Variants in NEK11 observed in about 807,000 individuals in gnomAD.
NEK11 encodes serine/threonine-protein kinase Nek11.
NEK11 carries 72 observed loss-of-function variants against 80.7 expected under a neutral mutation model. The ratio of observed to expected loss-of-function variants is 0.89; its 90% confidence interval spans 0.74 to 1.08. The LOEUF is 1.08. Among genes scored for constraint, NEK11 ranks in the 50% least tolerant of loss-of-function variants. The pLI is 0.00. For missense variants in NEK11, 764 were observed against 763.6 expected (o/e 1.00, Z -0.01); for synonymous variants, 251 against 260.7 (o/e 0.96, Z 0.36).
At chr3:131,180,368 C>T (rs113259164) in intron 14 of NEK11, among the ~76,000 whole-genome samples, 1 of 152,148 alleles carries the variant, frequency 6.6e-6, no homozygotes, top group Admixed American at 6.5e-5. Context: ...ATAATTGAAT[C>T]ATGTGAAATT....
intron 13 of NEK11, among the ~76,000 whole-genome samples, chr3:131,169,761 ATCTT>A (rs1197799658): frequency 2.0e-5 from 3 of 152,192 alleles, no homozygotes; most frequent in Non-Finnish European, 4.4e-5. Flanking sequence ...TAACAATTCT[ATCTT>A]TCTCTTCAAA....
At chr3:131,160,138 A>C (rs1001774032) in intron 10 of NEK11, among the ~76,000 whole-genome samples, 3 of 152,204 alleles carry the variant, frequency 2.0e-5, no homozygotes, top group African/African-American at 7.2e-5. Context: ...GAGGTTTTCC[A>C]AGGTCAAAAT....
chr3:131,080,716 T>G, intron 4 of NEK11, 128 bp downstream of exon 4: 31 of 706,458 alleles, frequency 4.4e-5, no homozygotes, highest in Non-Finnish European at 6.0e-5. Flanking sequence ...TGGGATCCCA[T>G]GTCTTGCAGC....
chr3:131,300,844 T>C (rs1053328928), intron 17 of NEK11, among the ~76,000 whole-genome samples: 1 of 152,176 alleles, frequency 6.6e-6, no homozygotes, highest in Non-Finnish European at 1.5e-5. Flanking sequence ...TTGCTTAAGA[T>C]TGCCTTGGCT....
chr3:131,163,250 G>T (rs1354824745), intron 11 of NEK11, among the ~76,000 whole-genome samples: 1 of 152,060 alleles, frequency 6.6e-6, no homozygotes, highest in Non-Finnish European at 1.5e-5. Flanking sequence ...TATATCCAAA[G>T]AAAATGAAAT....
intron 4 of NEK11, among the ~76,000 whole-genome samples, chr3:131,106,781 A>G (rs2079247593): frequency 6.6e-6 from 1 of 152,220 alleles, no homozygotes. Flanking sequence ...AGAAAAAGAA[A>G]TATGTTACAC....
At chr3:131,333,849 C>G (rs569339442) in intron 17 of NEK11, among the ~76,000 whole-genome samples, 78 of 152,236 alleles carry the variant, frequency 5.1e-4, no homozygotes, top group African/African-American at 1.8e-3. Flanking sequence ...TTTAAACCAA[C>G]AAAGATCAAA....
At chr3:131,191,856 T>A (rs750201136) in intron 14 of NEK11, among the ~76,000 whole-genome samples, 7 of 151,916 alleles carry the variant, frequency 4.6e-5, no homozygotes, top group Non-Finnish European at 1.0e-4. Context: ...TAAAAACACA[T>A]AGAAGAAAGC....
At chr3:131,106,453 A>C (rs1457886498) in intron 4 of NEK11, among the ~76,000 whole-genome samples, 1 of 152,102 alleles carries the variant, frequency 6.6e-6, no homozygotes, top group African/African-American at 2.4e-5. Context: ...CCATCACCTT[A>C]AGTTATTTTT....
At chr3:131,348,422 C>G (rs887053042) in intron 17 of NEK11, among the ~76,000 whole-genome samples, 1 of 151,788 alleles carries the variant, frequency 6.6e-6, no homozygotes, top group Non-Finnish European at 1.5e-5. Flanking sequence ...GGTAGAAGAA[C>G]TATGAGAAGG....
At chr3:131,252,993 G>A (rs2095736720) in intron 16 of NEK11, among the ~76,000 whole-genome samples, 1 of 152,034 alleles carries the variant, frequency 6.6e-6, no homozygotes, top group South Asian at 2.1e-4. Flanking sequence ...CTGTGATCCT[G>A]TCCTGTGTGA....
intron 16 of NEK11, among the ~76,000 whole-genome samples, chr3:131,266,046 G>A (rs1357731852): frequency 1.3e-5 from 2 of 152,156 alleles, no homozygotes; most frequent in Non-Finnish European, 2.9e-5. Context: ...TATTTCTGTG[G>A]AATCAGTGGT....
At chr3:131,185,287 G>A (rs2093553613) in intron 14 of NEK11, among the ~76,000 whole-genome samples, 1 of 152,252 alleles carries the variant, frequency 6.6e-6, no homozygotes. Flanking sequence ...GGTAAAGTCT[G>A]TTGAAAGAAA....
intron 5 of NEK11, among the ~76,000 whole-genome samples, chr3:131,124,180 A>C (rs2082883872): frequency 6.6e-6 from 1 of 152,182 alleles, no homozygotes; most frequent in Admixed American, 6.5e-5. Flanking sequence ...AAGAGTAGGG[A>C]AGTATTTCCT....
At chr3:131,057,222 A>AT (rs913671694) in intron 3 of NEK11, among the ~76,000 whole-genome samples, 3 of 151,564 alleles carry the variant, frequency 2.0e-5, no homozygotes, top group African/African-American at 7.3e-5. Flanking sequence ...TGAACTCATC[A>AT]TTTTTTATGG....
chr3:131,251,948 T>C (rs1038146793), intron 16 of NEK11, among the ~76,000 whole-genome samples: 3 of 152,132 alleles, frequency 2.0e-5, no homozygotes, highest in African/African-American at 4.8e-5. Context: ...ATGAGAACTT[T>C]ATTGCTTTCA....
chr3:131,332,524 G>A (rs1436076594), intron 17 of NEK11, among the ~76,000 whole-genome samples: 1 of 148,370 alleles, frequency 6.7e-6, no homozygotes, highest in Non-Finnish European at 1.5e-5. Context: ...GGAAAAAACA[G>A]AGCAGAAAAA....
chr3:131,324,646 G>A (rs2096938099), intron 17 of NEK11, among the ~76,000 whole-genome samples: 1 of 152,192 alleles, frequency 6.6e-6, no homozygotes, highest in Admixed American at 6.5e-5. Context: ...TTCATCAAGT[G>A]GGCTATGTTT....
At chr3:131,112,848 A>C (rs568985868) in intron 5 of NEK11, among the ~76,000 whole-genome samples, 5 of 152,288 alleles carry the variant, frequency 3.3e-5, no homozygotes, top group African/African-American at 1.2e-4. Flanking sequence ...GTAATGAATA[A>C]AGTTGTTTGC....
Sources: allele counts gnomAD v4.1 joint callset (sites outside exome capture counted in the v4.1 genomes callset), GRCh38; gene constraint gnomAD v4.1.1; transcripts MANE v1.5; gene names NCBI Gene and HGNC (gene_info 2026-07-23, HGNC 2026-07-21).